SURF4: variants seen among roughly 807,000 people sequenced by gnomAD.
SURF4 encodes the protein surfeit 4, also known as surfeit locus protein 4.
A neutral mutation model predicts 30.0 loss-of-function variants in SURF4; 3 were observed. The observed-to-expected ratio is 0.10, with a 90% confidence interval of 0.05 to 0.26. SURF4 has a LOEUF of 0.26. Among genes scored for constraint, SURF4 ranks in the 10% least tolerant of loss-of-function variants. SURF4 has a pLI of 1.00. For synonymous variants in SURF4, 143 were observed against 139.9 expected, an observed-to-expected ratio of 1.02 and a Z score of -0.16; for missense variants, 217 against 350.8, an observed-to-expected ratio of 0.62 and a Z score of 3.05.
chr9:133,375,927 C>T lies in SURF4; in HGVS notation c.43G>A (p.Asp15Asn). Residue 15 changes from aspartate (D) to asparagine (N), a missense_variant, in exon 1 of 6, where the codon GAC (aspartate) becomes AAC (asparagine). Physicochemically the swap from Asp to Asn is conservative, Grantham distance 23 (BLOSUM62 1). Coordinates refer to ENST00000371989, the MANE Select transcript of SURF4 (RefSeq NM_033161.4). ...GAGGAGCCCGCAGGCCGCACCTGGT[C>T]GGCGAAGTCCTCGGCCGTGCCCATC... is the stretch of plus-strand genomic sequence containing the variant. ...DLMGTAEDFA[D>N]QFLRVTKQYL... 1.6e-6 allele frequency: 2 copies of T among 1,229,714 alleles called. No individual in the cohort carries two copies. Among genetic ancestry groups the T allele is most frequent in the East Asian group, 3.3e-5 (1 of 30,640 alleles). 76.2% of individuals were successfully genotyped at this position (1,229,714 alleles called of 1,614,324 possible). A position where few individuals can be genotyped will look rare whatever the true frequency, so the allele number is the denominator to read the frequency against.
rs1195016332 is a variant in SURF4, at chr9:133,363,970, G to C, written c.544-211C>G. The C allele has an allele frequency of 1.4e-6, 1 of 726,782 alleles. No homozygotes were observed. Among genetic ancestry groups the C allele is most frequent in the Non-Finnish European group, 2.5e-6 (1 of 396,996 alleles). 45.0% of individuals were successfully genotyped at this position (726,782 alleles called of 1,614,324 possible). A position where few individuals can be genotyped will look rare whatever the true frequency, so the allele number is the denominator to read the frequency against. ...CCAGCTTTGAAATGTGGAAGGTTTG[G>C]GGAAGACTGAAGTTCCCAACTAGTA... On this transcript the variant is annotated intron_variant, in intron 5 of 5. Transcript: ENST00000371989. The surrounding 1 kb of genome is among the most constrained non-coding windows in gnomAD (Gnocchi z 4.3).
chr9:133,372,253 G>C (rs181921233), intron 1 of SURF4, among the ~76,000 whole-genome samples: 32 of 152,362 alleles, frequency 2.1e-4, no homozygotes, highest in African/African-American at 6.3e-4. Context: ...AGAGAGACAA[G>C]AGATGCAACT....
At chr9:133,374,365 C>A (rs1248354354) in intron 1 of SURF4, among the ~76,000 whole-genome samples, 1 of 151,584 alleles carries the variant, frequency 6.6e-6, no homozygotes, top group Non-Finnish European at 1.5e-5. Context: ...CCAGCCTGAC[C>A]AACATGGAGA....
chr9:133,376,605 C>A, upstream of SURF4: 1 of 1,505,684 alleles, frequency 6.6e-7, no homozygotes. Flanking sequence ...CGTGGGGTAA[C>A]GGTCGCAACC....
In SURF4 at chr9:133,363,894, T is replaced by C. The variant is rs2130095879; in HGVS notation, c.544-135A>G. On this transcript the variant is annotated intron_variant, in intron 5 of 5. Coordinates refer to ENST00000371989, the MANE Select transcript of SURF4 (RefSeq NM_033161.4). The surrounding 1 kb of genome is among the most constrained non-coding windows in gnomAD (Gnocchi z 4.3). ...ATGTAGCTACTGCTGAGACGGCTGCTGGTGCAAGTAGGGAGATAAAAGCCA... is the reference window on the plus strand; with the variant it reads ...ATGTAGCTACTGCTGAGACGGCTGCCGGTGCAAGTAGGGAGATAAAAGCCA... The C allele has an allele frequency of 2.7e-6, 3 of 1,131,030 alleles. No individual in the cohort carries two copies. The East Asian group carries it at 7.6e-5, about 29-fold the overall frequency. The allele number at this position is 1,131,030 out of a possible 1,614,324, so 70.1% of individuals were successfully genotyped here. A position where few individuals can be genotyped will look rare whatever the true frequency, so the allele number is the denominator to read the frequency against.
intron 1 of SURF4, among the ~76,000 whole-genome samples, chr9:133,368,729 G>A (rs1032589196): frequency 2.0e-5 from 3 of 152,198 alleles, no homozygotes; most frequent in Non-Finnish European, 4.4e-5. Flanking sequence ...CGGATGCCAG[G>A]TACAAATGTC....
At position 133,375,767 on chromosome 9, in the gene SURF4, C is replaced by A. The variant is rs2130240690; in HGVS notation, c.48+155G>T. On this transcript the variant is annotated intron_variant, in intron 1 of 5. Coordinates refer to ENST00000371989, the MANE Select transcript of SURF4 (RefSeq NM_033161.4). ...GGAGGCCGGGTTTGGGGCTGTCCAG[C>A]CGGGACAGAGGGCCCGGGCGGGGGG... Among the ~76,000 whole-genome samples, 1,216 of 152,102 alleles carry A rather than the reference C, an allele frequency of 8.0e-3. 12 individuals carry two copies. The highest frequency in any genetic ancestry group is 0.026 in the African/African-American group (1,091 of 41,540).
chr9:133,365,867 C>G, intron 4 of SURF4, 118 bp downstream of exon 4: 1 of 1,052,358 alleles, frequency 9.5e-7, no homozygotes. Context: ...TGAGCACTTC[C>G]TTTGAGCGTC....
upstream of SURF4, among the ~76,000 whole-genome samples, chr9:133,377,146 A>G (rs941810561): frequency 1.3e-5 from 2 of 152,208 alleles, no homozygotes; most frequent in African/African-American, 4.8e-5. Context: ...TGAGAGGACT[A>G]TAGGGCGTTG....
chr9:133,368,947 G>A (rs1481296141), intron 1 of SURF4, among the ~76,000 whole-genome samples: 1 of 152,188 alleles, frequency 6.6e-6, no homozygotes, highest in African/African-American at 2.4e-5. Flanking sequence ...GGCCTCCTAG[G>A]GCTGACTAAA....
chr9:133,362,475 G>C lies in SURF4; in HGVS notation c.*1018C>G, dbSNP rs2130075501. The stretch of plus-strand genomic sequence containing the variant: ...ACAGCCTCAGGAAAGTGGTGTGTCG[G>C]GGCTGTCCACAGGGCGAGTGCAGCT... On this transcript the variant is annotated 3_prime_UTR_variant, in exon 6 of 6. Coordinates refer to ENST00000371989, the MANE Select transcript of SURF4 (RefSeq NM_033161.4). The C allele has an allele frequency of 6.5e-6, 1 of 152,680 alleles. No homozygotes were observed. Among genetic ancestry groups the C allele is most frequent in the Admixed American group, 6.5e-5 (1 of 15,284 alleles). 9.5% of individuals were successfully genotyped at this position (152,680 alleles called of 1,614,324 possible).
intron 1 of SURF4, among the ~76,000 whole-genome samples, chr9:133,369,916 G>A (rs2130174214): frequency 3.9e-5 from 6 of 152,364 alleles, no homozygotes; most frequent in East Asian, 3.9e-4. Flanking sequence ...AGACGGAGCC[G>A]TGGTGGGACT....
rs985191997 is a variant in SURF4 at position 133,375,976 on chromosome 9, G to A, written c.-7C>T. 1.6e-6 allele frequency: 2 copies of A among 1,229,116 alleles called. No individual in the cohort carries two copies. Among genetic ancestry groups the A allele is most frequent in the Non-Finnish European group, 2.0e-6 (2 of 982,206 alleles). 76.1% of individuals were successfully genotyped at this position (1,229,116 alleles called of 1,614,324 possible). A position where few individuals can be genotyped will look rare whatever the true frequency, so the allele number is the denominator to read the frequency against. On this transcript the variant is annotated 5_prime_UTR_variant, in exon 1 of 6. Transcript: ENST00000371989. ...TCAGGTCGTTCTGGCCCATGGCGACGGCGGGAGGCTCGGCTCGGCTCGCTC... is the reference window on the plus strand; with the variant it reads ...TCAGGTCGTTCTGGCCCATGGCGACAGCGGGAGGCTCGGCTCGGCTCGCTC...
At chr9:133,371,096 C>T in intron 1 of SURF4, 1 of 985,440 alleles carries the variant, frequency 1.0e-6, no homozygotes, top group Non-Finnish European at 1.2e-6. Flanking sequence ...GTCACAGCCA[C>T]CTGCAGCTCC....
chr9:133,367,742 G>A (rs2130149569), intron 1 of SURF4, among the ~76,000 whole-genome samples: 4 of 152,222 alleles, frequency 2.6e-5, no homozygotes, highest in South Asian at 4.1e-4. Flanking sequence ...CTCTGCTACC[G>A]TGATTTCCCC....
intron 2 of SURF4, 72 bp from the exon 3 acceptor site, chr9:133,366,747 T>C: frequency 7.1e-7 from 1 of 1,415,348 alleles, no homozygotes; most frequent in Non-Finnish European, 9.8e-7. Context: ...GATACACTGC[T>C]ACCTCACCTG....
intron 1 of SURF4, among the ~76,000 whole-genome samples, chr9:133,373,461 G>A (rs753467579): frequency 1.3e-5 from 2 of 152,052 alleles, no homozygotes; most frequent in Non-Finnish European, 2.9e-5. Flanking sequence ...AAATTAGCGG[G>A]GCGTGGTGGC....
chr9:133,366,107 C>T (rs971395148), intron 3 of SURF4, 79 bp from the exon 4 acceptor site: 17 of 1,404,174 alleles, frequency 1.2e-5, no homozygotes, highest in Non-Finnish European at 1.5e-5. Flanking sequence ...TACATTAGGC[C>T]GTCTCTCCAA....
At chr9:133,376,162 G>A, upstream of SURF4, 7 of 1,225,970 alleles carry the variant, frequency 5.7e-6, no homozygotes, top group Non-Finnish European at 7.1e-6. Context: ...GCCCCGGTGC[G>A]TCTTAAAGGG....
Sources: gnomAD v4.1 joint callset for allele counts (sites outside exome capture counted in the v4.1 genomes callset) on GRCh38, gnomAD v4.1.1 for gene constraint, Gnocchi (gnomAD v3.1) non-coding constraint, MANE v1.5 for transcripts, NCBI Gene and HGNC (gene_info 2026-07-23, HGNC 2026-07-21) for gene names.